The following ANKRD11 variants were observed in gnomAD, a reference collection of about 807,000 sequenced individuals.
ANKRD11 encodes ankyrin repeat domain-containing protein 11.
ANKRD11 carries 17 observed loss-of-function variants against 195.7 expected under a neutral mutation model. The observed-to-expected ratio is 0.09, with a 90% CI of 0.06 to 0.13. ANKRD11 has a LOEUF of 0.13. Among genes scored for constraint, ANKRD11 ranks in the 10% least tolerant of loss-of-function variants. The pLI is 1.00. For synonymous variants in ANKRD11, 1,953 were observed against 1,528.1 expected, an observed-to-expected ratio of 1.28 and a Z score of -6.49; for missense variants, 3,735 against 3,566.1, an observed-to-expected ratio of 1.05 and a Z score of -1.21.
intron 1 of ANKRD11, among the ~76,000 whole-genome samples, chr16:89,478,985 C>T (rs1231864961): frequency 6.6e-6 from 1 of 152,184 alleles, no homozygotes; most frequent in Admixed American, 6.5e-5. Flanking sequence ...TGTTCTCACT[C>T]TGTCACCGGG....
chr16:89,488,248 C>A (rs555705456), intron 1 of ANKRD11, among the ~76,000 whole-genome samples: 11 of 152,090 alleles, frequency 7.2e-5, no homozygotes, highest in Non-Finnish European at 1.3e-4. Flanking sequence ...ACAGAGAAAA[C>A]GTCACAGCAA....
chr16:89,278,621 G>A (rs531046830), intron 9 of ANKRD11: 2 of 459,752 alleles, frequency 4.4e-6, no homozygotes, highest in East Asian at 6.9e-5. Context: ...AAGGGAGGAG[G>A]TGGGGGAAGG....
At chr16:89,330,603 G>T (rs983190050) in intron 2 of ANKRD11, among the ~76,000 whole-genome samples, 4 of 148,592 alleles carry the variant, frequency 2.7e-5, no homozygotes, top group Admixed American at 2.0e-4. Flanking sequence ...TCGGAAGCAA[G>T]GGGCTGCGTG....
Position 89,281,330 on chromosome 16 carries a change from C to T in ANKRD11, c.5212G>A (p.Asp1738Asn), listed in dbSNP as rs779109308. The change falls in exon 9 of 13, where the codon GAC becomes AAC. Residue 1738 changes from aspartate to asparagine, a missense_variant. By Grantham distance (23) the Asp-to-Asn change is conservative (BLOSUM62 1). Coordinates refer to ENST00000301030, the MANE Select transcript of ANKRD11 (RefSeq NM_013275.6). The surrounding 1 kb of genome is among the most constrained non-coding windows in gnomAD (Gnocchi z 5.5). ...GTGGAGTGCTGCGAGTCGGCGCAGT[C>T]GAACACGAGGTCCGCGTAGTCATCG... is the stretch of plus-strand genomic sequence containing the variant. Reference protein sequence around the residue: ...SADDYADLVFDCADSQHSTPV... With the variant: ...SADDYADLVFNCADSQHSTPV... 15 of 1,613,602 alleles carry T rather than the reference C, an allele frequency of 9.3e-6. No individual in the cohort carries two copies. Among genetic ancestry groups the T allele is most frequent in the Admixed American group, 1.7e-5 (1 of 60,004 alleles).
chr16:89,317,034 C>A lies in ANKRD11; in HGVS notation c.-15G>T, dbSNP rs771847338. 4.3e-6 allele frequency: 7 copies of A among 1,611,552 alleles called. No individual in the cohort carries two copies. The highest frequency in any genetic ancestry group is 5.9e-6 in the Non-Finnish European group (7 of 1,178,966). The stretch of plus-strand genomic sequence containing the variant: ...CCCTTGGGCATCGTCCTGCTCCTCA[C>A]CCGATCTTCATTTACACGGCCGGCG... On this transcript the variant is annotated 5_prime_UTR_variant, in exon 3 of 13. Transcript: ENST00000301030.
intron 1 of ANKRD11, among the ~76,000 whole-genome samples, chr16:89,446,886 G>A (rs563301738): frequency 2.6e-5 from 4 of 152,196 alleles, no homozygotes; most frequent in African/African-American, 9.6e-5. Context: ...TTCTCCGCTT[G>A]TCACCCTGCC....
At chr16:89,270,767 C>G (rs754674977) in intron 12 of ANKRD11, 50 bp downstream of exon 12, 1 of 1,590,076 alleles carries the variant, frequency 6.3e-7, no homozygotes, top group Admixed American at 1.7e-5. Flanking sequence ...CATCACAGAA[C>G]TGGGCAGCAG....
chr16:89,371,997 C>T (rs769624418), intron 2 of ANKRD11, among the ~76,000 whole-genome samples: 2 of 152,170 alleles, frequency 1.3e-5, no homozygotes, highest in African/African-American at 2.4e-5. Flanking sequence ...AAGATGGGAC[C>T]GGTTTGTCAC....
At chr16:89,370,929 G>A (rs369667594) in intron 2 of ANKRD11, among the ~76,000 whole-genome samples, 1 of 152,050 alleles carries the variant, frequency 6.6e-6, no homozygotes, top group African/African-American at 2.4e-5. Flanking sequence ...CAGGCGCCAC[G>A]AGACGCCCAA....
chr16:89,345,511 C>A (rs2038899039), intron 2 of ANKRD11, among the ~76,000 whole-genome samples: 1 of 152,192 alleles, frequency 6.6e-6, no homozygotes, highest in Non-Finnish European at 1.5e-5. Flanking sequence ...CCTCCAGTGG[C>A]CCCAGGCTCT....
intron 7 of ANKRD11, chr16:89,288,094 T>TA: frequency 1.7e-6 from 1 of 571,880 alleles, no homozygotes; most frequent in Non-Finnish European, 3.1e-6. Context: ...GGCCACTTTC[T>TA]AAAGCTTGAG....
intron 2 of ANKRD11, among the ~76,000 whole-genome samples, chr16:89,401,897 T>TC (rs887096393): frequency 7.2e-6 from 1 of 139,850 alleles, no homozygotes; most frequent in Non-Finnish European, 1.6e-5. Context: ...CACCAGAGAC[T>TC]CCCCCATCCC....
Position 89,282,596 on chromosome 16 carries a change from C to T in ANKRD11, c.3946G>A (p.Gly1316Arg). The T allele has an allele frequency of 2.5e-6, 4 of 1,614,154 alleles. No individual in the cohort carries two copies. Among genetic ancestry groups the T allele is most frequent in the Non-Finnish European group, 3.4e-6 (4 of 1,180,024 alleles). The change falls in exon 9 of 13, where the codon GGG becomes AGG. Residue 1316 changes from glycine to arginine, a missense_variant. By Grantham distance (125) the Gly-to-Arg change is moderately radical. Coordinates refer to ENST00000301030, the MANE Select transcript of ANKRD11 (RefSeq NM_013275.6). ...DSFTDRGQEP[G>R]LTAFLEVSFT... is the part of the protein sequence containing the mutation. ...GAGACCTCCAGGAAGGCAGTCAGCCCCGGCTCCTGCCCTCGGTCCGTGAAG... is the reference window on the plus strand; with the variant it reads ...GAGACCTCCAGGAAGGCAGTCAGCCTCGGCTCCTGCCCTCGGTCCGTGAAG...
chr16:89,412,963 A>G (rs1453476505), intron 2 of ANKRD11, among the ~76,000 whole-genome samples: 1 of 152,086 alleles, frequency 6.6e-6, no homozygotes, highest in Non-Finnish European at 1.5e-5. Context: ...AAAAGCACAC[A>G]TGAGGGAAAA....
intron 1 of ANKRD11, among the ~76,000 whole-genome samples, chr16:89,448,156 G>T (rs1182015390): frequency 6.6e-6 from 1 of 151,974 alleles, no homozygotes; most frequent in Non-Finnish European, 1.5e-5. Flanking sequence ...TGCAGACACT[G>T]GGCACCTTGC....
Position 89,452,805 on chromosome 16 carries a change from T to C in ANKRD11, c.-144-34437A>G, listed in dbSNP as rs868564813. Among the ~76,000 whole-genome samples, 35 of 125,456 alleles carry C rather than the reference T, an allele frequency of 2.8e-4. 2 individuals are homozygous for C. The South Asian group carries it at 7.8e-3, about 28-fold the overall frequency. 82.3% of individuals were successfully genotyped at this position (125,456 alleles called of 152,430 possible). Reference sequence around the variant, plus strand: ...AAAAAAAAAAAAAAAAAAAAAAGAATACTTTGATGGTATCTTTGAAAGTTA... The same window carrying C: ...AAAAAAAAAAAAAAAAAAAAAAGAACACTTTGATGGTATCTTTGAAAGTTA... On this transcript the variant is annotated intron_variant, in intron 1 of 12. Coordinates refer to ENST00000301030, the MANE Select transcript of ANKRD11 (RefSeq NM_013275.6).
intron 2 of ANKRD11, among the ~76,000 whole-genome samples, chr16:89,390,353 G>A (rs1009424029): frequency 5.9e-5 from 9 of 152,144 alleles, no homozygotes; most frequent in East Asian, 1.9e-4. Context: ...GGCGAACACC[G>A]AGTGTGGCGG....
At position 89,285,052 on chromosome 16, in the gene ANKRD11, C is replaced by T; in HGVS notation, c.1490G>A (p.Gly497Glu). The T allele has an allele frequency of 6.2e-7, 1 of 1,613,916 alleles. No homozygotes were observed. Among genetic ancestry groups the T allele is most frequent in the South Asian group, 1.1e-5 (1 of 91,076 alleles). Residue 497 changes from glycine to glutamate, a missense_variant, in exon 9 of 13, where the codon GGG (glycine) becomes GAG (glutamate). Physicochemically the swap from Gly to Glu is moderately conservative, Grantham distance 98. Transcript: ENST00000301030. This position sits in a 1 kb window ranked among gnomAD's most constrained non-coding sequence, Gnocchi z 5.6. ...ESGEDDRDSLGSSGCLKGSPL... is the reference protein window; with the variant it reads ...ESGEDDRDSLESSGCLKGSPL... ...GGACCCCTTGAGGCAGCCAGAGCTC[C>T]CCAGAGAGTCCCTGTCATCCTCCCC...
chr16:89,354,158 G>T (rs529850181), intron 2 of ANKRD11, among the ~76,000 whole-genome samples: 118 of 147,952 alleles, frequency 8.0e-4, no homozygotes, highest in African/African-American at 2.8e-3. Flanking sequence ...ACAGATGGAG[G>T]AAAGTATACC....
Sources: allele counts gnomAD v4.1 joint callset (sites outside exome capture counted in the v4.1 genomes callset), GRCh38; gene constraint gnomAD v4.1.1; non-coding constraint Gnocchi (gnomAD v3.1); transcripts MANE v1.5; gene names NCBI Gene and HGNC (gene_info 2026-07-23, HGNC 2026-07-21).